Variants in MYO15A observed in about 807,000 individuals in gnomAD.
MYO15A encodes unconventional myosin-XV.
A neutral mutation model predicts 394.6 loss-of-function variants in MYO15A; 308 were observed. That is an observed-to-expected ratio of 0.78 (90% CI 0.71 to 0.86). The LOEUF is 0.86. MYO15A is among the 40% of genes least tolerant of loss of function. The pLI is 0.00. For missense variants in MYO15A, 4,606 were observed against 4,799.1 expected, an observed-to-expected ratio of 0.96 and a Z score of 1.19; for synonymous variants, 1,957 against 2,003.8, an observed-to-expected ratio of 0.98 and a Z score of 0.62.
intron 65 of MYO15A, among the ~76,000 whole-genome samples, chr17:18,175,350 G>C (rs2047000862): frequency 7.4e-6 from 1 of 135,948 alleles, no homozygotes; most frequent in Non-Finnish European, 1.5e-5. Flanking sequence ...GAGTGCAGTG[G>C]TGTGATCTCA....
rs1471920249 is a variant in MYO15A, at chr17:18,151,415, G to A, written c.7675G>A (p.Val2559Ile). The part of the protein sequence containing the change: ...PETTSPSPEL[V>I]RYSTLNSEHF... Reference sequence around the variant, plus strand: ...CACAGCTTCACCCTCCCCAGAGCTGGTCCGGTACTCTACGCTCAACTCTGA... The same window carrying A: ...CACAGCTTCACCCTCCCCAGAGCTGATCCGGTACTCTACGCTCAACTCTGA... The change falls in exon 40 of 66, where the codon GTC becomes ATC. Residue 2559 changes from valine (V) to isoleucine (I), a missense_variant. By Grantham distance (29) the Val-to-Ile change is conservative (BLOSUM62 3). Transcript: ENST00000647165. The A allele has an allele frequency of 6.2e-7, 1 of 1,614,054 alleles. No homozygotes were observed. Among genetic ancestry groups the A allele is most frequent in the Non-Finnish European group, 8.5e-7 (1 of 1,180,034 alleles).
intron 1 of MYO15A, among the ~76,000 whole-genome samples, chr17:18,115,572 C>T (rs2045773428): frequency 6.6e-6 from 1 of 152,044 alleles, no homozygotes; most frequent in Non-Finnish European, 1.5e-5. Context: ...GAGCCAAGAT[C>T]GCACCATCGC....
intron 62 of MYO15A, among the ~76,000 whole-genome samples, chr17:18,168,278 T>C (rs1267610317): frequency 6.6e-6 from 1 of 151,922 alleles, no homozygotes; most frequent in African/African-American, 2.4e-5. Context: ...AGAAACAGGG[T>C]CTTGTGGCCG....
chr17:18,112,609 T>C (rs1404794793), intron 1 of MYO15A, among the ~76,000 whole-genome samples: 1 of 152,176 alleles, frequency 6.6e-6, no homozygotes, highest in Non-Finnish European at 1.5e-5. Flanking sequence ...GGTTTTGCCA[T>C]ATTGTCTGGG....
intron 62 of MYO15A, among the ~76,000 whole-genome samples, chr17:18,168,576 AAAAAGAAAG>A (rs1567664707): frequency 2.0e-5 from 3 of 149,696 alleles, no homozygotes; most frequent in African/African-American, 7.4e-5. Flanking sequence ...TCAAAAAAAA[AAAAAGAAAG>A]AAAAGAAACA....
In MYO15A at chr17:18,142,817, G is replaced by A. The variant is rs761306420; in HGVS notation, c.5887G>A (p.Val1963Met). ...VKFRSLVHAY[V>M]SRRRYLKLRA... ...GTTCCGGTCCCTGGTACACGCATAC[G>A]TGAGCCGCCGACGCTATCTCAAGGT... Residue 1963 changes from valine (V) to methionine (M), a missense_variant, in exon 25 of 66, where the codon GTG becomes ATG. By Grantham distance (21) the Val-to-Met change is conservative. Transcript: ENST00000647165. 1.8e-5 allele frequency: 29 copies of A among 1,612,948 alleles called. No homozygotes were observed. Among genetic ancestry groups the A allele is most frequent in the Non-Finnish European group, 2.3e-5 (27 of 1,179,758 alleles).
At chr17:18,138,313 C>T (rs1268427493) in intron 17 of MYO15A, 67 bp downstream of exon 17, 3 of 1,563,354 alleles carry the variant, frequency 1.9e-6, no homozygotes, top group African/African-American at 2.7e-5. Context: ...CCTCATCCCA[C>T]CCTGACTCCT....
At chr17:18,143,543 A>G in intron 25 of MYO15A, 23 bp from the exon 26 acceptor site, 5 of 1,551,562 alleles carry the variant, frequency 3.2e-6, no homozygotes, top group Non-Finnish European at 4.4e-6. Flanking sequence ...CCACTCCCCA[A>G]CCTGACATCT....
chr17:18,163,767 T>G lies in MYO15A; in HGVS notation c.9716T>G (p.Ile3239Arg). ...CTVALDVVEE[I>R]CAEMALTRPE... is the part of the protein sequence containing the mutation. ...GTGGCCCTGGACGTGGTGGAAGAGA[T>G]ATGTGCTGAGATGGCTCTGACACGC... Residue 3239 changes from isoleucine to arginine, a missense_variant, in exon 60 of 66, where the codon ATA (isoleucine) becomes AGA (arginine). By Grantham distance (97) the Ile-to-Arg change is moderately conservative (BLOSUM62 -3). This residue lies in a region of MYO15A where 2,776 missense variants were observed against 3,109.3 expected (regional missense o/e 0.89). Coordinates refer to ENST00000647165, the MANE Select transcript of MYO15A (RefSeq NM_016239.4). The G allele has an allele frequency of 1.9e-6, 3 of 1,613,922 alleles. No homozygotes were observed. Among genetic ancestry groups the G allele is most frequent in the Non-Finnish European group, 2.5e-6 (3 of 1,179,900 alleles).
chr17:18,130,722 GGA>G, intron 7 of MYO15A, 81 bp from the exon 8 acceptor site: 2 of 1,609,132 alleles, frequency 1.2e-6, no homozygotes, highest in South Asian at 1.1e-5. Flanking sequence ...CTAGTCTCCT[GGA>G]GAGAGTGGTG....
intron 29 of MYO15A, among the ~76,000 whole-genome samples, 169 bp from the exon 30 acceptor site, chr17:18,145,703 T>G (rs2046464382): frequency 6.6e-6 from 1 of 152,030 alleles, no homozygotes; most frequent in Non-Finnish European, 1.5e-5. Flanking sequence ...TGACAGAGAC[T>G]CCATCTCAAA....
Position 18,166,473 on chromosome 17 carries a change from G to A in MYO15A, c.9900G>A (p.Gln3300=), listed in dbSNP as rs894940262. 6.2e-7 allele frequency: 1 copy of A among 1,614,012 alleles called. No individual in the cohort carries two copies. Among genetic ancestry groups the A allele is most frequent in the Non-Finnish European group, 8.5e-7 (1 of 1,180,032 alleles). ...GGTTCCGGCGTGTGCTCTGGGATCA[G>A]CCACTCAAGTTCGAGAATGAGCTAT... is the stretch of plus-strand genomic sequence containing the variant. ...MLWFRRVLWD[Q]PLKFENELYV... is the part of the protein sequence containing the mutation. Residue 3300 remains glutamine, a synonymous_variant, in exon 61 of 66, where the codon CAG becomes CAA. Coordinates refer to ENST00000647165, the MANE Select transcript of MYO15A (RefSeq NM_016239.4).
At chr17:18,140,982 G>A (rs1177923634) in intron 21 of MYO15A, 37 bp from the exon 22 acceptor site, 6 of 1,613,356 alleles carry the variant, frequency 3.7e-6, no homozygotes, top group Admixed American at 1.7e-5. Context: ...ACATGGCTGA[G>A]CCAATGTGCA....
intron 47 of MYO15A, chr17:18,155,879 G>C (rs1283667799): frequency 2.2e-6 from 1 of 453,030 alleles, no homozygotes; most frequent in African/African-American, 2.0e-5. Flanking sequence ...TGCATGCTTT[G>C]AAAGATGGAG....
intron 33 of MYO15A, 100 bp from the exon 34 acceptor site, chr17:18,149,116 T>G: frequency 1.3e-6 from 2 of 1,529,720 alleles, no homozygotes; most frequent in Non-Finnish European, 8.9e-7. Flanking sequence ...ATCCTGCTTT[T>G]AAATGGAGAA....
intron 51 of MYO15A, 31 bp downstream of exon 51, chr17:18,157,931 G>GGGGC: frequency 4.8e-6 from 2 of 412,718 alleles, no homozygotes; most frequent in Non-Finnish European, 4.5e-6. Context: ...GTGGGGCGGG[G>GGGGC]TAGACCAGGG....
chr17:18,138,092 C>T lies in MYO15A; in HGVS notation c.4876-23C>T, dbSNP rs750893333. On this transcript the variant is annotated intron_variant, in intron 16 of 65. Transcript: ENST00000647165. ...CCCTGGACAGGGATGGGAGGTTGAG[C>T]TCCTGCTGCCCACTGCCTGCAGGAG... The T allele has an allele frequency of 1.4e-5, 22 of 1,605,986 alleles. No homozygotes were observed. The South Asian group carries it at 2.4e-4, about 18-fold the overall frequency.
Position 18,131,476 on chromosome 17 carries a change from T to C in MYO15A, c.4151T>C (p.Ile1384Thr). The C allele has an allele frequency of 6.2e-7, 1 of 1,613,888 alleles. No individual in the cohort carries two copies. The highest frequency in any genetic ancestry group is 8.5e-7 in the Non-Finnish European group (1 of 1,179,972). ...FVEIFLEGGVISGAITSQYLL... is the reference protein window; with the variant it reads ...FVEIFLEGGVTSGAITSQYLL... ...TGTGCTCCCCACCCCAGGGGCGTGA[T>C]CTCTGGTGCCATAACCTCCCAGTAC... is the stretch of plus-strand genomic sequence containing the variant. Residue 1384 changes from isoleucine (I) to threonine (T), a missense_variant, in exon 10 of 66, where the codon ATC becomes ACC. By Grantham distance (89) the Ile-to-Thr change is moderately conservative. Coordinates refer to ENST00000647165, the MANE Select transcript of MYO15A (RefSeq NM_016239.4).
Position 18,153,915 on chromosome 17 carries a change from G to A in MYO15A, c.8088+19G>A, listed in dbSNP as rs767385273. ...CAAAGAGGTGCCGAGCACAGCCGTA[G>A]CCAGGGGAGGGGCTGAAGCGGGGCA... On this transcript the variant is annotated intron_variant, in intron 43 of 65. Coordinates refer to ENST00000647165, the MANE Select transcript of MYO15A (RefSeq NM_016239.4). This position sits in a 1 kb window ranked among gnomAD's most constrained non-coding sequence, Gnocchi z 4.1. 1.2e-6 allele frequency: 2 copies of A among 1,613,480 alleles called. No homozygotes were observed. Among genetic ancestry groups the A allele is most frequent in the Middle Eastern group, 3.3e-4 (2 of 6,060 alleles).
Sources: gnomAD v4.1 joint callset for allele counts (sites outside exome capture counted in the v4.1 genomes callset) on GRCh38, gnomAD v4.1.1 for gene constraint, gnomAD v4.1.1 regional missense constraint, Gnocchi (gnomAD v3.1) non-coding constraint, MANE v1.5 for transcripts, NCBI Gene and HGNC (gene_info 2026-07-23, HGNC 2026-07-21) for gene names.